The following CFAP54 variants were observed in gnomAD, a reference collection of about 807,000 sequenced individuals.
CFAP54 encodes the protein cilia- and flagella-associated protein 54.
Under a neutral mutation model 370.4 loss-of-function variants are expected in CFAP54, and 290 were observed. The ratio of observed to expected loss-of-function variants is 0.78; its 90% CI spans 0.71 to 0.86. The LOEUF (loss-of-function observed/expected upper bound fraction) is 0.86, where lower values mean the gene tolerates loss of function less well. Among genes scored for constraint, CFAP54 ranks in the 40% least tolerant of loss-of-function variants. The probability of loss-of-function intolerance (pLI) is 0.00; values close to 1 mark genes in which losing one functional copy is unlikely to be tolerated. For synonymous variants in CFAP54, 1,206 were observed against 1,236.5 expected (o/e 0.98, Z 0.52); for missense variants, 3,399 against 3,528.7 (o/e 0.96, Z 0.93).
chr12:96,688,807 G>T, intron 42 of CFAP54, 109 bp from the exon 43 acceptor site: 4 of 550,550 alleles, frequency 7.3e-6, no homozygotes, highest in South Asian at 2.4e-5. Context: ...TTATATGTAT[G>T]CATTTTTCTT....
intron 5 of CFAP54, among the ~76,000 whole-genome samples, chr12:96,515,411 C>T (rs1479567337): frequency 6.6e-6 from 1 of 151,982 alleles, no homozygotes; most frequent in Admixed American, 6.6e-5. Context: ...ACATTTGGCA[C>T]CTGAAGATCT....
At chr12:96,828,307 A>C (rs1959151362) in intron 65 of CFAP54, among the ~76,000 whole-genome samples, 1 of 151,590 alleles carries the variant, frequency 6.6e-6, no homozygotes, top group Non-Finnish European at 1.5e-5. Flanking sequence ...CTGGAACCTG[A>C]AACAGTGGAG....
chr12:96,822,669 G>C (rs1959046388), intron 65 of CFAP54, among the ~76,000 whole-genome samples: 1 of 152,198 alleles, frequency 6.6e-6, no homozygotes, highest in African/African-American at 2.4e-5. Flanking sequence ...AAGTGTGGCA[G>C]TCAGTCTGAT....
chr12:96,801,489 G>A (rs984691720), intron 63 of CFAP54, among the ~76,000 whole-genome samples: 3 of 152,116 alleles, frequency 2.0e-5, no homozygotes, highest in Non-Finnish European at 2.9e-5. Context: ...TTTAAAAATA[G>A]CTGCAAAGGG....
At position 96,534,204 on chromosome 12, in the gene CFAP54, A is replaced by G. The variant is rs192818260; in HGVS notation, c.1682A>G (p.Tyr561Cys). 1.4e-6 allele frequency: 2 copies of G among 1,462,726 alleles called. No individual in the cohort carries two copies. The highest frequency in any genetic ancestry group is 4.9e-5 in the East Asian group (2 of 40,558). 90.6% of individuals were successfully genotyped at this position (1,462,726 alleles called of 1,614,324 possible). A position where few individuals can be genotyped will look rare whatever the true frequency, so the allele number is the denominator to read the frequency against. The change falls in exon 11 of 68, where the codon TAT (tyrosine) becomes TGT (cysteine). Residue 561 changes from tyrosine to cysteine, a missense_variant. Transcript: ENST00000524981. ...NYKEGQSTQI[Y>C]LKKIAVHDTC... ...AAAGAAGGACAGTCAACTCAAATTT[A>G]TTTAAAAAAAATTGCTGTTCATGGT...
intron 50 of CFAP54, among the ~76,000 whole-genome samples, chr12:96,738,037 G>T (rs1459516206): frequency 6.6e-6 from 1 of 152,174 alleles, no homozygotes; most frequent in Non-Finnish European, 1.5e-5. Context: ...GACCAGGACT[G>T]CAAGGGCAAG....
chr12:96,518,388 TATA>T (rs2136365353), intron 5 of CFAP54, among the ~76,000 whole-genome samples: 1 of 152,288 alleles, frequency 6.6e-6, no homozygotes, highest in South Asian at 2.1e-4. Flanking sequence ...CAGAGAGGCT[TATA>T]ATAAGACAAG....
At chr12:96,784,573 C>T in intron 60 of CFAP54, 144 bp from the exon 61 acceptor site, 2 of 513,482 alleles carry the variant, frequency 3.9e-6, no homozygotes, top group East Asian at 6.7e-5. Flanking sequence ...TTGGTGTCTG[C>T]ATGATACAAA....
chr12:96,841,595 A>G (rs1250110265), intron 66 of CFAP54, among the ~76,000 whole-genome samples: 3 of 152,196 alleles, frequency 2.0e-5, no homozygotes, highest in African/African-American at 7.2e-5. Flanking sequence ...GGCATTAGCC[A>G]TTTGAGATTT....
intron 50 of CFAP54, among the ~76,000 whole-genome samples, chr12:96,721,368 A>G (rs1024044740): frequency 3.9e-5 from 6 of 152,202 alleles, no homozygotes; most frequent in African/African-American, 1.4e-4. Context: ...TCATCGATTT[A>G]TTTATTTAGT....
chr12:96,544,385 C>A (rs73374101), intron 14 of CFAP54, among the ~76,000 whole-genome samples: 23,948 of 151,126 alleles, frequency 0.16, 2,997 homozygotes, highest in East Asian at 0.51. Context: ...TTTAGGCCTC[C>A]GAAGCAGTCC....
At chr12:96,715,864 C>A (rs114238997) in intron 48 of CFAP54, among the ~76,000 whole-genome samples, 2,271 of 152,126 alleles carry the variant, frequency 0.015, 46 homozygotes, top group African/African-American at 0.05. Context: ...TATTTTGTGC[C>A]CTTTTTATGT....
chr12:96,680,956 A>G (rs772770521), intron 40 of CFAP54, among the ~76,000 whole-genome samples: 4 of 152,076 alleles, frequency 2.6e-5, no homozygotes, highest in Non-Finnish European at 5.9e-5. Context: ...GGTGGCGTGC[A>G]CCTGTAATTC....
At chr12:96,568,785 T>G (rs565003622) in intron 19 of CFAP54, among the ~76,000 whole-genome samples, 21 of 152,306 alleles carry the variant, frequency 1.4e-4, no homozygotes, top group African/African-American at 4.8e-4. Flanking sequence ...ACTCTGTGGA[T>G]CTGGATAATC....
rs142141260 is a variant in CFAP54 at position 96,664,434 on chromosome 12, C to T, written c.5563+502C>T. ...TCCTAAGGATAATGACCTGCAGCTC[C>T]ATCCATGTTCCTGCCAAGGACATGA... On this transcript the variant is annotated intron_variant, in intron 39 of 67. Transcript: ENST00000524981. Among the ~76,000 whole-genome samples, 718 of 152,136 alleles carry T rather than the reference C, an allele frequency of 4.7e-3. 4 individuals carry two copies. Among genetic ancestry groups the T allele is most frequent in the African/African-American group, 0.016 (681 of 41,502 alleles).
At chr12:96,633,823 A>G (rs1956634381) in intron 32 of CFAP54, among the ~76,000 whole-genome samples, 1 of 152,120 alleles carries the variant, frequency 6.6e-6, no homozygotes, top group African/African-American at 2.4e-5. Context: ...GCTTGGTCGA[A>G]TAGTAAGCAT....
At chr12:96,504,969 T>G (rs765967172) in intron 3 of CFAP54, among the ~76,000 whole-genome samples, 25 of 151,310 alleles carry the variant, frequency 1.7e-4, no homozygotes, top group Admixed American at 5.3e-4. Context: ...CTTTCTTTCT[T>G]TCTTTCCCTT....
chr12:96,769,712 A>G (rs372137866), intron 60 of CFAP54, among the ~76,000 whole-genome samples: 10 of 152,178 alleles, frequency 6.6e-5, no homozygotes, highest in Non-Finnish European at 1.2e-4. Flanking sequence ...GAGCCTTCCC[A>G]TGGCTACATG....
In CFAP54 at chr12:96,679,597, C is replaced by A; in HGVS notation, c.5564-3C>A. 1 of 1,608,278 alleles carries A rather than the reference C, an allele frequency of 6.2e-7. No individual in the cohort carries two copies. The highest frequency in any genetic ancestry group is 8.5e-7 in the Non-Finnish European group (1 of 1,177,500). On this transcript the variant is annotated splice_region_variant and splice_polypyrimidine_tract_variant and intron_variant, in intron 39 of 67. Coordinates refer to ENST00000524981, the MANE Select transcript of CFAP54 (RefSeq NM_001306084.2). ...CCAATATTCCGCTTTTCTTTCCTTT[C>A]AGAATACAGCCGAGCCAAAGCGCTT...
Sources: gnomAD v4.1 joint callset for allele counts (sites outside exome capture counted in the v4.1 genomes callset) on GRCh38, gnomAD v4.1.1 for gene constraint, MANE v1.5 for transcripts, NCBI Gene and HGNC (gene_info 2026-07-23, HGNC 2026-07-21) for gene names.